The following GPATCH8 variants were observed in gnomAD, a reference collection of about 807,000 sequenced individuals.
GPATCH8 encodes the protein G patch domain-containing protein 8.
Under a neutral mutation model 118.3 loss-of-function variants are expected in GPATCH8, and 18 were observed. The ratio of observed to expected loss-of-function variants is 0.15; its 90% confidence interval spans 0.11 to 0.23. The LOEUF is 0.23. GPATCH8 is among the 10% of genes least tolerant of loss of function. The pLI is 1.00. For missense variants in GPATCH8, 1,631 were observed against 1,873.8 expected (o/e 0.87, Z 2.39); for synonymous variants, 659 against 684.7 (o/e 0.96, Z 0.59).
intron 6 of GPATCH8, among the ~76,000 whole-genome samples, chr17:44,411,601 A>T (rs2049434918): frequency 6.6e-6 from 1 of 152,240 alleles, no homozygotes; most frequent in African/African-American, 2.4e-5. Context: ...TACTGCCACT[A>T]AAATCCCATG....
intron 6 of GPATCH8, among the ~76,000 whole-genome samples, chr17:44,407,883 C>A (rs1304950988): frequency 3.9e-5 from 6 of 152,132 alleles, no homozygotes; most frequent in Admixed American, 6.5e-5. Context: ...TCTCAAACTC[C>A]TGGTCTCAAG....
chr17:44,426,431 C>T (rs150891711), intron 5 of GPATCH8, among the ~76,000 whole-genome samples: 9 of 152,044 alleles, frequency 5.9e-5, no homozygotes, highest in East Asian at 1.9e-4. Context: ...AGTGAAACTC[C>T]GGCTCTACCA....
At chr17:44,484,625 C>G (rs1003017324) in intron 1 of GPATCH8, among the ~76,000 whole-genome samples, 2 of 152,186 alleles carry the variant, frequency 1.3e-5, no homozygotes, top group Admixed American at 6.5e-5. Context: ...TTATCTTAGA[C>G]TTCCTCTAAT....
chr17:44,397,473 C>A lies in GPATCH8; in HGVS notation c.*95G>T. 1 of 875,622 alleles carries A rather than the reference C, an allele frequency of 1.1e-6. No homozygotes were observed. The highest frequency in any genetic ancestry group is 1.6e-5 in the African/African-American group (1 of 60,662). The allele number at this position is 875,622 out of a possible 1,614,324, so 54.2% of individuals were successfully genotyped here. ...CTTTGGCTGTCAGACACTGCCCATC[C>A]CAGCTTCTACTTGCTGGTATTAATG... is the stretch of plus-strand genomic sequence containing the variant. On this transcript the variant is annotated 3_prime_UTR_variant, in exon 8 of 8. Coordinates refer to ENST00000591680, the MANE Select transcript of GPATCH8 (RefSeq NM_001002909.4).
At chr17:44,420,665 T>A (rs2049864923) in intron 6 of GPATCH8, among the ~76,000 whole-genome samples, 1 of 152,204 alleles carries the variant, frequency 6.6e-6, no homozygotes, top group South Asian at 2.1e-4. Flanking sequence ...AATAAACATG[T>A]CAAATTCAAA....
At chr17:44,477,648 GGA>G (rs1967884638) in intron 1 of GPATCH8, among the ~76,000 whole-genome samples, 1 of 148,870 alleles carries the variant, frequency 6.7e-6, no homozygotes, top group African/African-American at 2.5e-5. Flanking sequence ...ATAAAGAAAG[GGA>G]AAAAAAAGAA....
At chr17:44,491,626 T>G (rs2144474352) in intron 1 of GPATCH8, among the ~76,000 whole-genome samples, 1 of 152,076 alleles carries the variant, frequency 6.6e-6, no homozygotes, top group South Asian at 2.1e-4. Context: ...GGCAGGAAGA[T>G]CACTAGAGGC....
chr17:44,409,381 A>T (rs1219905785), intron 6 of GPATCH8: 2 of 152,204 alleles, frequency 1.3e-5, no homozygotes. Context: ...TATAAGGTTC[A>T]TATTTTCCTT....
chr17:44,403,501 G>A (rs1343143960), intron 7 of GPATCH8, among the ~76,000 whole-genome samples: 1 of 152,078 alleles, frequency 6.6e-6, no homozygotes, highest in Non-Finnish European at 1.5e-5. Context: ...TTACAGATGT[G>A]AGCCACTGCG....
At chr17:44,496,195 A>T (rs1050174229) in intron 1 of GPATCH8, among the ~76,000 whole-genome samples, 1 of 152,130 alleles carries the variant, frequency 6.6e-6, no homozygotes, top group Non-Finnish European at 1.5e-5. Flanking sequence ...TATAGTCAAG[A>T]CCTACAGTAT....
intron 6 of GPATCH8, among the ~76,000 whole-genome samples, chr17:44,410,863 G>C (rs2049403543): frequency 6.6e-6 from 1 of 152,174 alleles, no homozygotes; most frequent in Admixed American, 6.5e-5. Context: ...TCCAGTACTT[G>C]AAGTACCCAT....
intron 3 of GPATCH8, among the ~76,000 whole-genome samples, chr17:44,458,106 T>A (rs922873827): frequency 6.8e-6 from 1 of 146,382 alleles, no homozygotes; most frequent in Admixed American, 6.8e-5. Flanking sequence ...AAAAAAAAAA[T>A]TAGGCATGGT....
At chr17:44,404,923 G>A (rs2045087) in intron 7 of GPATCH8, among the ~76,000 whole-genome samples, 61,367 of 151,934 alleles carry the variant, frequency 0.4, 13,761 homozygotes, top group Middle Eastern at 0.53. Flanking sequence ...TGGGAAGGGC[G>A]GAAGGAGAGA....
rs1168567506 is a variant in GPATCH8 at position 44,401,801 on chromosome 17, C to T, written c.624-348G>A. 4.6e-5 allele frequency among the ~76,000 whole-genome samples: 7 copies of T among 151,620 alleles called. No homozygotes were observed. The East Asian group carries it at 7.8e-4, about 17-fold the overall frequency. ...GACAGACTGCTTGAGGTCAGAAGTT[C>T]GTAAACAGCCTGGCCAACACGGTGA... On this transcript the variant is annotated intron_variant, in intron 7 of 7. Coordinates refer to ENST00000591680, the MANE Select transcript of GPATCH8 (RefSeq NM_001002909.4).
chr17:44,460,560 T>C (rs2051505723), intron 3 of GPATCH8, among the ~76,000 whole-genome samples: 1 of 152,182 alleles, frequency 6.6e-6, no homozygotes, highest in Non-Finnish European at 1.5e-5. Flanking sequence ...GCAACTTTTG[T>C]TGGCAAAAGC....
chr17:44,475,547 A>G (rs1967690140), intron 1 of GPATCH8, among the ~76,000 whole-genome samples: 1 of 151,348 alleles, frequency 6.6e-6, no homozygotes, highest in Non-Finnish European at 1.5e-5. Flanking sequence ...ACAAAAAATT[A>G]GCTGGGCGTG....
intron 3 of GPATCH8, among the ~76,000 whole-genome samples, chr17:44,454,148 TTTATTA>T (rs1164220858): frequency 3.3e-5 from 5 of 152,152 alleles, no homozygotes; most frequent in Non-Finnish European, 1.5e-5. Context: ...CTTACAGCAT[TTTATTA>T]TTATTTAGAG....
intron 3 of GPATCH8, among the ~76,000 whole-genome samples, chr17:44,451,404 C>A (rs916257440): frequency 2.0e-5 from 3 of 152,028 alleles, no homozygotes; most frequent in African/African-American, 7.2e-5. Flanking sequence ...AGATCTGGCA[C>A]CTTTTAAGCA....
chr17:44,425,045 G>C (rs2143910906), intron 5 of GPATCH8, among the ~76,000 whole-genome samples: 1 of 152,196 alleles, frequency 6.6e-6, no homozygotes, highest in African/African-American at 2.4e-5. Context: ...AAAAAACTGT[G>C]GGACTGACTC....
Sources: allele counts gnomAD v4.1 joint callset (sites outside exome capture counted in the v4.1 genomes callset), GRCh38; gene constraint gnomAD v4.1.1; transcripts MANE v1.5; gene names NCBI Gene and HGNC (gene_info 2026-07-23, HGNC 2026-07-21).